Variants in DOCK7 observed in about 807,000 individuals in gnomAD.
The protein encoded by DOCK7 is dedicator of cytokinesis 7.
DOCK7 carries 138 observed loss-of-function variants against 271.0 expected under a neutral mutation model. The ratio of observed to expected loss-of-function variants is 0.51; its 90% confidence interval spans 0.44 to 0.59. The LOEUF (loss-of-function observed/expected upper bound fraction) is 0.59. DOCK7 is among the 20% of genes least tolerant of loss of function. The probability of loss-of-function intolerance (pLI) is 0.00; values close to 1 mark genes in which losing one functional copy is unlikely to be tolerated. For synonymous variants in DOCK7, 823 were observed against 876.1 expected (o/e 0.94, Z 1.07); for missense variants, 2,066 against 2,592.4 (o/e 0.80, Z 4.41).
At chr1:62,604,914 G>A (rs1650747233) in intron 14 of DOCK7, 1 of 1,310,930 alleles carries the variant, frequency 7.6e-7, no homozygotes, top group Middle Eastern at 2.5e-4. Context: ...GAGAAAGCTT[G>A]AGAAATAGAT....
intron 22 of DOCK7, among the ~76,000 whole-genome samples, chr1:62,546,779 T>C (rs1645723419): frequency 2.0e-5 from 3 of 152,104 alleles, no homozygotes; most frequent in Admixed American, 2.0e-4. Context: ...CAGAATCCCA[T>C]TACAATATTT....
rs150922364 is a variant in DOCK7 at position 62,504,741 on chromosome 1, A to G, written c.4653T>C (p.Ala1551=). The part of the protein sequence containing the change: ...LLFEEETEQC[A]DLCLRLLRHC... The stretch of plus-strand genomic sequence containing the variant: ...GTCGGAGAAGCCTGAGGCATAAATC[A>G]GCACACTGCTCTGTCTCTTCTTCAA... Residue 1551 remains alanine (A), a synonymous_variant, in exon 37 of 50, where the codon GCT becomes GCC. Coordinates refer to ENST00000635253, the MANE Select transcript of DOCK7 (RefSeq NM_001367561.1). The G allele has an allele frequency of 2.2e-4, 360 of 1,614,160 alleles. No homozygotes were observed. Among genetic ancestry groups the G allele is most frequent in the Admixed American group, 6.3e-4 (38 of 60,026 alleles).
At chr1:62,686,007 A>G (rs1168115) in intron 1 of DOCK7, among the ~76,000 whole-genome samples, 146,954 of 152,256 alleles carry the variant, frequency 0.97, 71,159 homozygotes, top group Middle Eastern at 1. Context: ...GGTTTGTCCT[A>G]TCCCATCTGG....
intron 47 of DOCK7, among the ~76,000 whole-genome samples, chr1:62,474,755 T>C (rs1280559000): frequency 6.6e-6 from 1 of 152,218 alleles, no homozygotes. Context: ...ATAAACAAGA[T>C]AATTTTAATG....
At position 62,455,192 on chromosome 1, in the gene DOCK7, T is replaced by C. The variant is rs1367395330; in HGVS notation, c.*222A>G. 3.1e-6 allele frequency: 2 copies of C among 647,420 alleles called. No homozygotes were observed. The highest frequency in any genetic ancestry group is 3.6e-5 in the South Asian group (2 of 55,440). The allele number at this position is 647,420 out of a possible 1,614,324, so 40.1% of individuals were successfully genotyped here. On this transcript the variant is annotated 3_prime_UTR_variant, in exon 50 of 50. Transcript: ENST00000635253. ...AAATGTATAGTGTACCTTTGAGTCA[T>C]TAAAATGTCTTAAAAGATAACAGCT...
intron 21 of DOCK7, among the ~76,000 whole-genome samples, chr1:62,553,286 G>A (rs1307632079): frequency 1.5e-5 from 2 of 132,568 alleles, no homozygotes; most frequent in African/African-American, 5.7e-5. Flanking sequence ...GCCTGAAGAG[G>A]CAGGGTCTTC....
chr1:62,668,643 A>G (rs1336057467), intron 1 of DOCK7, among the ~76,000 whole-genome samples: 1 of 152,222 alleles, frequency 6.6e-6, no homozygotes, highest in Non-Finnish European at 1.5e-5. Flanking sequence ...CTGTAATTCC[A>G]GCACTTTGGG....
At chr1:62,585,796 G>C (rs899189116) in intron 15 of DOCK7, among the ~76,000 whole-genome samples, 1 of 152,094 alleles carries the variant, frequency 6.6e-6, no homozygotes, top group Non-Finnish European at 1.5e-5. Flanking sequence ...CTATTCCTTT[G>C]AATCCCTATA....
intron 39 of DOCK7, 137 bp from the exon 40 acceptor site, chr1:62,494,604 A>C: frequency 1.7e-6 from 1 of 580,368 alleles, no homozygotes; most frequent in Non-Finnish European, 2.7e-6. Flanking sequence ...TAGTATGAAA[A>C]TGTCGCTATG....
intron 18 of DOCK7, among the ~76,000 whole-genome samples, chr1:62,571,180 GTC>G (rs1646763873): frequency 1.3e-5 from 2 of 151,876 alleles, no homozygotes; most frequent in Non-Finnish European, 2.9e-5. Context: ...AATATCCAGA[GTC>G]TACAAGGAAC....
At chr1:62,668,053 TAGAA>T (rs934776528) in intron 1 of DOCK7, among the ~76,000 whole-genome samples, 8 of 151,820 alleles carry the variant, frequency 5.3e-5, no homozygotes, top group Non-Finnish European at 1.2e-4. Flanking sequence ...AATAAATAAA[TAGAA>T]AGAAAACAAC....
intron 7 of DOCK7, among the ~76,000 whole-genome samples, chr1:62,643,610 T>C (rs1656296141): frequency 6.6e-6 from 1 of 152,216 alleles, no homozygotes; most frequent in African/African-American, 2.4e-5. Flanking sequence ...TTTCTTTTTA[T>C]TTATTCTTCC....
At position 62,455,382 on chromosome 1, in the gene DOCK7, C is replaced by T; in HGVS notation, c.*32G>A. 1.2e-6 allele frequency: 2 copies of T among 1,609,724 alleles called. No individual in the cohort carries two copies. The highest frequency in any genetic ancestry group is 1.7e-6 in the Non-Finnish European group (2 of 1,176,550). On this transcript the variant is annotated 3_prime_UTR_variant, in exon 50 of 50. Coordinates refer to ENST00000635253, the MANE Select transcript of DOCK7 (RefSeq NM_001367561.1). ...CACACTCGATGTTGAATACATGGCT[C>T]TTTGCAGATGAATAAAACAAGTGCA...
intron 41 of DOCK7, 121 bp downstream of exon 41, chr1:62,492,583 G>A: frequency 7.9e-7 from 1 of 1,261,706 alleles, no homozygotes; most frequent in South Asian, 1.3e-5. Flanking sequence ...CCACCATACT[G>A]GGTCCAGAAT....
chr1:62,620,074 C>G (rs994452951), intron 12 of DOCK7, 81 bp from the exon 13 acceptor site: 1 of 1,107,830 alleles, frequency 9.0e-7, no homozygotes, highest in Non-Finnish European at 1.3e-6. Context: ...AATCCTAGCA[C>G]TTTGGGAGGC....
chr1:62,586,661 A>G (rs758639599), intron 14 of DOCK7, 37 bp from the exon 15 acceptor site: 2 of 1,317,206 alleles, frequency 1.5e-6, no homozygotes, highest in South Asian at 1.3e-5. Context: ...GTAAATACAT[A>G]TCTAAGAAAC....
chr1:62,543,596 C>T (rs1221934426), intron 24 of DOCK7, 60 bp downstream of exon 24: 10 of 1,277,058 alleles, frequency 7.8e-6, no homozygotes, highest in Non-Finnish European at 1.1e-5. Context: ...AGAAATCTTA[C>T]ATCTATTTAA....
intron 21 of DOCK7, among the ~76,000 whole-genome samples, chr1:62,553,312 T>TTATACATATA (rs1553168302): frequency 9.7e-5 from 2 of 20,584 alleles, no homozygotes; most frequent in African/African-American, 4.0e-4. Flanking sequence ...AAAAAGTATT[T>TTATACATATA]TATATATATA....
chr1:62,626,197 G>T (rs1373126052), intron 11 of DOCK7, among the ~76,000 whole-genome samples: 1 of 152,132 alleles, frequency 6.6e-6, no homozygotes, highest in Non-Finnish European at 1.5e-5. Context: ...GTATGAAAAT[G>T]CAAGAACAAC....
Sources: allele counts gnomAD v4.1 joint callset (sites outside exome capture counted in the v4.1 genomes callset), GRCh38; gene constraint gnomAD v4.1.1; transcripts MANE v1.5; gene names NCBI Gene and HGNC (gene_info 2026-07-23, HGNC 2026-07-21).